The following TTC17 variants were observed in gnomAD, a reference collection of about 807,000 sequenced individuals.
TTC17 encodes the protein tetratricopeptide repeat protein 17.
A neutral mutation model predicts 143.8 loss-of-function variants in TTC17; 58 were observed. That is an observed-to-expected ratio of 0.40 (90% CI 0.33 to 0.50). The LOEUF is 0.50. TTC17 is among the 20% of genes least tolerant of loss of function. TTC17 has a pLI of 0.49. For missense variants in TTC17, 1,273 were observed against 1,392.5 expected, an observed-to-expected ratio of 0.91 and a Z score of 1.37; for synonymous variants, 501 against 497.8, an observed-to-expected ratio of 1.01 and a Z score of -0.09.
chr11:43,453,043 T>C (rs931507577), intron 21 of TTC17, among the ~76,000 whole-genome samples: 3 of 152,052 alleles, frequency 2.0e-5, no homozygotes, highest in African/African-American at 7.2e-5. Context: ...ATATTAAACT[T>C]GAGTGCCAGG....
chr11:43,481,302 G>A (rs1948282813), intron 21 of TTC17, among the ~76,000 whole-genome samples: 1 of 152,154 alleles, frequency 6.6e-6, no homozygotes, highest in South Asian at 2.1e-4. Flanking sequence ...TTATGCATAA[G>A]TCAGTCAGTT....
intron 9 of TTC17, 49 bp from the exon 10 acceptor site, chr11:43,401,397 G>A: frequency 1.5e-6 from 2 of 1,293,778 alleles, no homozygotes; most frequent in Non-Finnish European, 2.2e-6. Context: ...AATCACATTG[G>A]CATTGTTGAC....
At chr11:43,463,838 G>A (rs1427187175) in intron 21 of TTC17, among the ~76,000 whole-genome samples, 1 of 152,202 alleles carries the variant, frequency 6.6e-6, no homozygotes, top group African/African-American at 2.4e-5. Context: ...AATTAATGTA[G>A]TTTGATATTG....
At chr11:43,475,243 T>C (rs772147154) in intron 21 of TTC17, among the ~76,000 whole-genome samples, 19 of 152,146 alleles carry the variant, frequency 1.2e-4, no homozygotes, top group African/African-American at 4.3e-4. Context: ...GAATTTCAGA[T>C]GGGGTTTTTT....
chr11:43,377,591 A>G (rs746635632), intron 1 of TTC17, among the ~76,000 whole-genome samples: 14 of 152,182 alleles, frequency 9.2e-5, no homozygotes, highest in Non-Finnish European at 1.2e-4. Context: ...TGTCACCTCA[A>G]AAAGAGAAAC....
rs997497884 is a variant in TTC17, at chr11:43,494,494, C to T, written c.*590C>T. 1 of 151,972 alleles carries T rather than the reference C, an allele frequency of 6.6e-6. No homozygotes were observed. The highest frequency in any genetic ancestry group is 3.4e-3 in the Middle Eastern group (1 of 294). The allele number at this position is 151,972 out of a possible 1,614,324, so 9.4% of individuals were successfully genotyped here. A position where few individuals can be genotyped will look rare whatever the true frequency, so the allele number is the denominator to read the frequency against. On this transcript the variant is annotated 3_prime_UTR_variant, in exon 24 of 24. Coordinates refer to ENST00000039989, the MANE Select transcript of TTC17 (RefSeq NM_018259.6). ...TTTAAAAACAAAATATTTACAACAA[C>T]AAAAATTCTTAGGATCACCTGACCT...
chr11:43,455,379 T>C (rs1234831918), intron 21 of TTC17, among the ~76,000 whole-genome samples: 1 of 151,886 alleles, frequency 6.6e-6, no homozygotes, highest in Non-Finnish European at 1.5e-5. Context: ...AAAGGATGCA[T>C]TAATTATACA....
chr11:43,475,989 A>T (rs1284303373), intron 21 of TTC17, among the ~76,000 whole-genome samples: 1 of 152,222 alleles, frequency 6.6e-6, no homozygotes, highest in Non-Finnish European at 1.5e-5. Context: ...ATTGGTACAA[A>T]TTCTGATGTG....
intron 21 of TTC17, among the ~76,000 whole-genome samples, chr11:43,468,613 G>GA (rs946653169): frequency 6.0e-5 from 9 of 151,234 alleles, no homozygotes; most frequent in South Asian, 4.2e-4. Context: ...AACTATACAA[G>GA]AAAAAAAAAT....
intron 16 of TTC17, among the ~76,000 whole-genome samples, chr11:43,420,876 G>A (rs942381042): frequency 2.0e-5 from 3 of 152,128 alleles, no homozygotes; most frequent in African/African-American, 7.2e-5. Flanking sequence ...TGTTAGCCTT[G>A]CCAAATAATA....
intron 16 of TTC17, among the ~76,000 whole-genome samples, chr11:43,437,356 T>C (rs1159132747): frequency 4.6e-5 from 7 of 152,192 alleles, no homozygotes; most frequent in Non-Finnish European, 2.9e-5. Context: ...CTTTCTTCAT[T>C]TCTGCCTACA....
intron 10 of TTC17, among the ~76,000 whole-genome samples, chr11:43,402,759 A>G (rs1429940734): frequency 1.3e-5 from 2 of 152,180 alleles, no homozygotes; most frequent in Non-Finnish European, 2.9e-5. Context: ...ATTTCAGAAA[A>G]CTGATACTCA....
At chr11:43,392,529 A>G (rs1168146960) in intron 5 of TTC17, among the ~76,000 whole-genome samples, 2 of 152,240 alleles carry the variant, frequency 1.3e-5, no homozygotes, top group African/African-American at 4.8e-5. Context: ...AAGCAGTATT[A>G]TAGTGGTATA....
At chr11:43,461,243 G>T (rs1947859539) in intron 21 of TTC17, among the ~76,000 whole-genome samples, 1 of 152,008 alleles carries the variant, frequency 6.6e-6, no homozygotes, top group African/African-American at 2.4e-5. Context: ...AATTAGCCGG[G>T]CGCAGTGGCG....
chr11:43,480,280 C>G (rs1377963568), intron 21 of TTC17, among the ~76,000 whole-genome samples: 1 of 152,120 alleles, frequency 6.6e-6, no homozygotes, highest in East Asian at 1.9e-4. Flanking sequence ...AAAAACAACT[C>G]AAAAGATCTC....
At chr11:43,404,282 A>C (rs746799101) in intron 11 of TTC17, 138 bp downstream of exon 11, 21 of 770,758 alleles carry the variant, frequency 2.7e-5, no homozygotes, top group Admixed American at 3.3e-5. Context: ...CATTTCTATT[A>C]AATGGAAGCT....
At chr11:43,359,414 T>C in intron 1 of TTC17, 1 of 352,606 alleles carries the variant, frequency 2.8e-6, no homozygotes, top group Non-Finnish European at 5.2e-6. Flanking sequence ...TTTTTTTAGC[T>C]CGGGGTTTAG....
chr11:43,384,185 T>TA (rs1258183183), intron 2 of TTC17, among the ~76,000 whole-genome samples: 1 of 149,828 alleles, frequency 6.7e-6, no homozygotes, highest in African/African-American at 2.5e-5. Flanking sequence ...AACTTACAAA[T>TA]AAAAAAAGAG....
At chr11:43,424,905 C>T (rs1017038628) in intron 16 of TTC17, among the ~76,000 whole-genome samples, 2 of 152,078 alleles carry the variant, frequency 1.3e-5, no homozygotes, top group South Asian at 2.1e-4. Flanking sequence ...TATATAGTTC[C>T]CCCTAGTCAT....
Sources: allele counts gnomAD v4.1 joint callset (sites outside exome capture counted in the v4.1 genomes callset), GRCh38; gene constraint gnomAD v4.1.1; transcripts MANE v1.5; gene names NCBI Gene and HGNC (gene_info 2026-07-23, HGNC 2026-07-21).